Variants in SIK3 observed in about 807,000 individuals in gnomAD.
The protein encoded by SIK3 is SIK family kinase 3.
Under a neutral mutation model 144.2 loss-of-function variants are expected in SIK3, and 28 were observed. The observed-to-expected ratio is 0.19, with a 90% CI of 0.14 to 0.27. The LOEUF is 0.27. SIK3 is among the 10% of genes least tolerant of loss of function. The pLI is 1.00. For synonymous variants in SIK3, 686 were observed against 676.3 expected (o/e 1.01, Z -0.22); for missense variants, 1,319 against 1,776.0 (o/e 0.74, Z 4.62).
intron 4 of SIK3, among the ~76,000 whole-genome samples, chr11:116,919,143 C>T (rs1946825055): frequency 6.6e-6 from 1 of 152,160 alleles, no homozygotes; most frequent in African/African-American, 2.4e-5. Context: ...ATAACTACTT[C>T]CTGTGACCAG....
At chr11:117,061,378 G>C (rs1953788234) in intron 1 of SIK3, among the ~76,000 whole-genome samples, 2 of 151,796 alleles carry the variant, frequency 1.3e-5, no homozygotes, top group Non-Finnish European at 1.5e-5. Context: ...ATATATTCGA[G>C]AGGTTCAGAG....
chr11:116,948,359 C>G (rs1948776479), intron 3 of SIK3, among the ~76,000 whole-genome samples: 1 of 152,032 alleles, frequency 6.6e-6, no homozygotes, highest in Non-Finnish European at 1.5e-5. Flanking sequence ...CTCACTGCAG[C>G]CTTGACATCC....
rs1942281637 is a variant in SIK3 at position 116,849,715 on chromosome 11, CTCTT to C, written c.3656-436_3656-433del. Among the ~76,000 whole-genome samples, 1 of 152,150 alleles carries C rather than the reference CTCTT, an allele frequency of 6.6e-6. No individual in the cohort carries two copies. The highest frequency in any genetic ancestry group is 2.1e-4 in the South Asian group (1 of 4,824). On this transcript the variant is annotated intron_variant, in intron 21 of 24. Transcript: ENST00000445177. This position sits in a 1 kb window ranked among gnomAD's most constrained non-coding sequence, Gnocchi z 4.2. ...CTCAGTGTACCACGCTGCTACTCTC[CTCTT>C]TCTACTTCTCTAACTGCTGCTTCTG... is the stretch of plus-strand genomic sequence containing the variant.
rs761098526 is a variant in SIK3, at chr11:116,847,533, C to A, written c.3895G>T (p.Val1299Phe). 6.2e-7 allele frequency: 1 copy of A among 1,614,228 alleles called. No homozygotes were observed. The highest frequency in any genetic ancestry group is 2.2e-5 in the East Asian group (1 of 44,890). Residue 1299 changes from valine to phenylalanine, a missense_variant, in exon 23 of 25, where the codon GTT becomes TTT. Physicochemically the swap from Val to Phe is conservative, Grantham distance 50 (BLOSUM62 -1). Around this residue, in one of 8 missense-constraint regions of SIK3, gnomAD observed 646 missense variants for 763.7 expected, o/e 0.85. Coordinates refer to ENST00000445177, the MANE Select transcript of SIK3 (RefSeq NM_001366686.3). ...CCCATGAGCGAAGACTGACTGAGAA[C>A]TGCATCCGACATCCGGGCAGAGCTA... ...ALSSARMSDA[V>F]LSQSSLMGSQ...
chr11:117,090,649 G>A (rs544058019), intron 1 of SIK3, among the ~76,000 whole-genome samples: 15 of 152,188 alleles, frequency 9.9e-5, no homozygotes, highest in Non-Finnish European at 1.9e-4. Flanking sequence ...AGAAAACTAC[G>A]TAAGGCAGAC....
intron 3 of SIK3, among the ~76,000 whole-genome samples, chr11:116,943,363 G>A (rs1187423906): frequency 6.6e-6 from 1 of 152,054 alleles, no homozygotes; most frequent in Non-Finnish European, 1.5e-5. Context: ...TTTTACATCG[G>A]GGCCAACACC....
chr11:117,011,729 T>C lies in SIK3; in HGVS notation c.274-54665A>G, dbSNP rs1951268504. On this transcript the variant is annotated intron_variant, in intron 1 of 24. Transcript: ENST00000445177. ...ATGGTGACTCACGCCTATACTCCCT[T>C]GGGAGCTTGGGGAGCTGAGGCAGAA... 1.3e-5 allele frequency among the ~76,000 whole-genome samples: 2 copies of C among 152,106 alleles called. 1 individual carries two copies. Among genetic ancestry groups the C allele is most frequent in the South Asian group, 4.1e-4 (2 of 4,828 alleles).
At chr11:116,890,405 A>G (rs1187447917) in intron 6 of SIK3, among the ~76,000 whole-genome samples, 1 of 152,246 alleles carries the variant, frequency 6.6e-6, no homozygotes, top group Non-Finnish European at 1.5e-5. Flanking sequence ...TGTAGGCCAT[A>G]GTAATAATGA....
At position 116,977,242 on chromosome 11, in the gene SIK3, CCCTCCCTT is replaced by C. The variant is rs1402717013; in HGVS notation, c.274-20186_274-20179del. Among the ~76,000 whole-genome samples, 32 of 132,496 alleles carry C rather than the reference CCCTCCCTT, an allele frequency of 2.4e-4. No individual in the cohort carries two copies. The South Asian group carries it at 5.3e-3, about 22-fold the overall frequency. The allele number at this position is 132,496 out of a possible 152,430, so 86.9% of individuals were successfully genotyped here. On this transcript the variant is annotated intron_variant, in intron 1 of 24. Coordinates refer to ENST00000445177, the MANE Select transcript of SIK3 (RefSeq NM_001366686.3). ...TCCCTCCCTCCCTCCCTCCCTCCCT[CCCTCCCTT>C]CCTTCCTTTTCATACAGACAGAGTC... is the stretch of plus-strand genomic sequence containing the variant.
At chr11:117,089,686 C>T (rs1955161812) in intron 1 of SIK3, among the ~76,000 whole-genome samples, 2 of 152,064 alleles carry the variant, frequency 1.3e-5, no homozygotes, top group Admixed American at 6.6e-5. Flanking sequence ...GGTAAACATG[C>T]GCTGGAGCTG....
intron 1 of SIK3, among the ~76,000 whole-genome samples, chr11:116,967,759 T>C (rs1381875005): frequency 1.3e-5 from 2 of 152,184 alleles, no homozygotes; most frequent in Non-Finnish European, 2.9e-5. Flanking sequence ...AAATCATGCA[T>C]TTCTTGTCTG....
At chr11:117,066,574 C>G (rs1954030868) in intron 1 of SIK3, among the ~76,000 whole-genome samples, 1 of 140,700 alleles carries the variant, frequency 7.1e-6, no homozygotes, top group African/African-American at 2.7e-5. Flanking sequence ...CTTGCTCTGT[C>G]ACTCAAGTTG....
At chr11:117,028,862 T>G (rs1195013927) in intron 1 of SIK3, among the ~76,000 whole-genome samples, 2 of 152,062 alleles carry the variant, frequency 1.3e-5, no homozygotes, top group African/African-American at 4.8e-5. Context: ...CATGCTGACA[T>G]GCATGCATTA....
Position 116,863,757 on chromosome 11 carries a change from G to A in SIK3, c.2014C>T (p.Arg672Trp), listed in dbSNP as rs368046147. The change falls in exon 16 of 25, where the codon CGG (arginine) becomes TGG (tryptophan). Residue 672 changes from arginine (R) to tryptophan (W), a missense_variant. This residue lies in a region of SIK3 where 77 missense variants were observed against 141.9 expected (regional missense o/e 0.54). Coordinates refer to ENST00000445177, the MANE Select transcript of SIK3 (RefSeq NM_001366686.3). The part of the protein sequence containing the change: ...LPTERFSPVR[R>W]FSDGAASIQA... ...ATGCTCGCAGCCCCATCTGAGAACCGGCGCACAGGGGAGAAACGCTCCGTA... is the reference window on the plus strand; with the variant it reads ...ATGCTCGCAGCCCCATCTGAGAACCAGCGCACAGGGGAGAAACGCTCCGTA... 3.4e-5 allele frequency: 55 copies of A among 1,614,012 alleles called. No homozygotes were observed. The highest frequency in any genetic ancestry group is 4.6e-5 in the Non-Finnish European group (54 of 1,180,038).
chr11:116,857,741 AG>A (rs749529150), intron 21 of SIK3, 68 bp downstream of exon 21: 4 of 1,541,040 alleles, frequency 2.6e-6, no homozygotes, highest in Middle Eastern at 3.5e-4. Context: ...AGCTGAAAAA[AG>A]ATAACATTAC....
intron 1 of SIK3, among the ~76,000 whole-genome samples, chr11:117,089,202 G>T (rs934459504): frequency 1.3e-5 from 2 of 151,806 alleles, no homozygotes; most frequent in Non-Finnish European, 2.9e-5. Flanking sequence ...TCAGGAAATC[G>T]AGACCAGCCT....
intron 4 of SIK3, among the ~76,000 whole-genome samples, chr11:116,926,241 C>T (rs1024832821): frequency 3.3e-5 from 5 of 152,118 alleles, no homozygotes; most frequent in South Asian, 2.1e-4. Flanking sequence ...GATGCTATAC[C>T]GGAAAGTGTC....
Position 116,845,047 on chromosome 11 carries a change from T to C in SIK3, c.*596A>G, listed in dbSNP as rs1941841667. 6.6e-6 allele frequency: 1 copy of C among 152,172 alleles called. No homozygotes were observed. Among genetic ancestry groups the C allele is most frequent in the Non-Finnish European group, 1.5e-5 (1 of 68,056 alleles). 9.4% of individuals were successfully genotyped at this position (152,172 alleles called of 1,614,324 possible). ...CCAGGCTTGGGGGTTTCTCTTTTTT[T>C]GTTCTTTTTGTTTTCTAAGTGCCAG... On this transcript the variant is annotated 3_prime_UTR_variant, in exon 25 of 25. Transcript: ENST00000445177.
intron 1 of SIK3, among the ~76,000 whole-genome samples, chr11:116,985,046 T>C (rs1462089654): frequency 1.3e-5 from 2 of 152,228 alleles, no homozygotes; most frequent in African/African-American, 4.8e-5. Flanking sequence ...CCCTGTTATA[T>C]AATGGTTTAT....
Sources: allele counts gnomAD v4.1 joint callset (sites outside exome capture counted in the v4.1 genomes callset), GRCh38; gene constraint gnomAD v4.1.1; regional missense constraint gnomAD v4.1.1; non-coding constraint Gnocchi (gnomAD v3.1); transcripts MANE v1.5; gene names NCBI Gene and HGNC (gene_info 2026-07-23, HGNC 2026-07-21).